The following FBLIM1 variants were observed in gnomAD, a reference collection of about 807,000 sequenced individuals.
FBLIM1 encodes the protein filamin binding LIM protein 1, also known as filamin-binding LIM protein 1.
A neutral mutation model predicts 37.4 loss-of-function variants in FBLIM1; 29 were observed. The ratio of observed to expected loss-of-function variants is 0.77; its 90% CI spans 0.58 to 1.06. FBLIM1 has a LOEUF of 1.06. FBLIM1 is among the 50% of genes least tolerant of loss of function. The pLI is 0.00. For missense variants in FBLIM1, 449 were observed against 505.6 expected (o/e 0.89, Z 1.07); for synonymous variants, 193 against 199.0 (o/e 0.97, Z 0.25).
chr1:15,767,246 C>A, intron 3 of FBLIM1, 130 bp from the exon 4 acceptor site: 1 of 721,698 alleles, frequency 1.4e-6, no homozygotes, highest in Non-Finnish European at 2.2e-6. Flanking sequence ...CAGAGTTAGA[C>A]ATGGAACCCA....
At chr1:15,784,046 G>A (rs1050472380) in intron 8 of FBLIM1, among the ~76,000 whole-genome samples, 1 of 152,156 alleles carries the variant, frequency 6.6e-6, no homozygotes, top group Non-Finnish European at 1.5e-5. Context: ...AATTAGCTGG[G>A]TGTGGTGGCA....
chr1:15,759,470 C>A (rs2068561171), intron 1 of FBLIM1, among the ~76,000 whole-genome samples: 1 of 152,288 alleles, frequency 6.6e-6, no homozygotes, highest in East Asian at 1.9e-4. Context: ...CTGAGGACCC[C>A]GGGGAGAGGC....
intron 8 of FBLIM1, among the ~76,000 whole-genome samples, chr1:15,778,682 C>T (rs1204039962): frequency 6.6e-6 from 1 of 152,002 alleles, no homozygotes; most frequent in African/African-American, 2.4e-5. Flanking sequence ...CTCGCGTTAC[C>T]CAGGCTGGAG....
rs150153219 is a variant in FBLIM1 at position 15,765,847 on chromosome 1, C to A, written c.250+614C>A. Among the ~76,000 whole-genome samples the A allele has an allele frequency of 3.0e-3, 454 of 152,294 alleles. 4 individuals carry two copies. Among genetic ancestry groups the A allele is most frequent in the African/African-American group, 0.01 (427 of 41,564 alleles). On this transcript the variant is annotated intron_variant, in intron 3 of 8. Transcript: ENST00000375766. The surrounding 1 kb of genome is among the most constrained non-coding windows in gnomAD (Gnocchi z 5.9). The stretch of plus-strand genomic sequence containing the variant: ...CCTGCTTCTCTCTTGAATTCCTGCC[C>A]GCCCATCATAGCCTATGGGCCCTGC...
chr1:15,784,151 A>G (rs1383164928), intron 8 of FBLIM1, among the ~76,000 whole-genome samples: 1 of 152,240 alleles, frequency 6.6e-6, no homozygotes, highest in East Asian at 1.9e-4. Context: ...ACTGCACTCC[A>G]GCCTGGGCGA....
In FBLIM1 at chr1:15,770,394, T is replaced by A; in HGVS notation, c.542-15T>A. The A allele has an allele frequency of 6.2e-7, 1 of 1,608,398 alleles. No individual in the cohort carries two copies. The highest frequency in any genetic ancestry group is 8.5e-7 in the Non-Finnish European group (1 of 1,177,314). On this transcript the variant is annotated splice_polypyrimidine_tract_variant and intron_variant, in intron 5 of 8. Coordinates refer to ENST00000375766, the MANE Select transcript of FBLIM1 (RefSeq NM_017556.4). Reference sequence around the variant, plus strand: ...CAGGCTGGGCTGGTGATGGCCTGTGTCTCCCCTACCCCAGACATCTGTGCC... The same window carrying A: ...CAGGCTGGGCTGGTGATGGCCTGTGACTCCCCTACCCCAGACATCTGTGCC...
intron 5 of FBLIM1, among the ~76,000 whole-genome samples, chr1:15,770,061 C>T (rs1298377350): frequency 1.3e-5 from 2 of 152,078 alleles, no homozygotes; most frequent in African/African-American, 4.8e-5. Context: ...ATTCTCCTGC[C>T]TCAGCCCCAT....
intron 7 of FBLIM1, chr1:15,775,019 T>G: frequency 1.2e-6 from 1 of 864,214 alleles, no homozygotes; most frequent in Non-Finnish European, 1.7e-6. Context: ...GAGATCGAGA[T>G]CATCCTGGCT....
chr1:15,765,707 C>T lies in FBLIM1; in HGVS notation c.250+474C>T, dbSNP rs1328136755. On this transcript the variant is annotated intron_variant, in intron 3 of 8. Coordinates refer to ENST00000375766, the MANE Select transcript of FBLIM1 (RefSeq NM_017556.4). The surrounding 1 kb of genome is among the most constrained non-coding windows in gnomAD (Gnocchi z 5.9). ...TGGGGATGCTGCCAGCTGCTTGAAG[C>T]CGTCTACACCGAAGGCTGCCATCTG... 6.6e-6 allele frequency among the ~76,000 whole-genome samples: 1 copy of T among 152,054 alleles called. No individual in the cohort carries two copies. Among genetic ancestry groups the T allele is most frequent in the Admixed American group, 6.6e-5 (1 of 15,260 alleles).
chr1:15,762,085 T>G (rs560669449), intron 1 of FBLIM1, among the ~76,000 whole-genome samples: 1 of 151,642 alleles, frequency 6.6e-6, no homozygotes, highest in Non-Finnish European at 1.5e-5. Context: ...CTCTGATTTA[T>G]GCTTTTCTTT....
intron 6 of FBLIM1, among the ~76,000 whole-genome samples, chr1:15,771,130 G>C (rs933963386): frequency 1.3e-5 from 2 of 152,034 alleles, no homozygotes; most frequent in Admixed American, 1.3e-4. Context: ...GGTAGAGATG[G>C]GGTTTCACCA....
intron 7 of FBLIM1, among the ~76,000 whole-genome samples, chr1:15,776,357 C>A (rs945581329): frequency 6.6e-6 from 1 of 152,288 alleles, no homozygotes; most frequent in Non-Finnish European, 1.5e-5. Context: ...AGCTAAGTAC[C>A]CAAAGTCTCT....
At position 15,765,073 on chromosome 1, in the gene FBLIM1, G is replaced by C; in HGVS notation, c.90G>C (p.Val30=). Residue 30 remains valine (V), a synonymous_variant, in exon 3 of 9, where the codon GTG becomes GTC. Coordinates refer to ENST00000375766, the MANE Select transcript of FBLIM1 (RefSeq NM_017556.4). This position sits in a 1 kb window ranked among gnomAD's most constrained non-coding sequence, Gnocchi z 5.9. ...PRRDVAVAEE[V]RQAVCEARRG... Reference sequence around the variant, plus strand: ...GCGATGTGGCCGTGGCGGAGGAAGTGAGGCAGGCAGTTTGTGAGGCCCGGC... The same window carrying C: ...GCGATGTGGCCGTGGCGGAGGAAGTCAGGCAGGCAGTTTGTGAGGCCCGGC... The C allele has an allele frequency of 1.9e-6, 3 of 1,614,102 alleles. No homozygotes were observed. Among genetic ancestry groups the C allele is most frequent in the Non-Finnish European group, 2.5e-6 (3 of 1,179,994 alleles).
Position 15,765,368 on chromosome 1 carries a change from T to A in FBLIM1, c.250+135T>A, listed in dbSNP as rs577884342. 2.3e-5 allele frequency: 30 copies of A among 1,293,874 alleles called. No individual in the cohort carries two copies. In the African/African-American group the frequency reaches 3.3e-4, roughly 14 times the overall value. 80.1% of individuals were successfully genotyped at this position (1,293,874 alleles called of 1,614,324 possible). A position where few individuals can be genotyped will look rare whatever the true frequency, so the allele number is the denominator to read the frequency against. ...CACATCAACGGGAAACAAAAAGATG[T>A]GCCCCTTCTGGGTGGGCAAGGGAGC... is the stretch of plus-strand genomic sequence containing the variant. On this transcript the variant is annotated intron_variant, in intron 3 of 8. Coordinates refer to ENST00000375766, the MANE Select transcript of FBLIM1 (RefSeq NM_017556.4). The surrounding 1 kb of genome is among the most constrained non-coding windows in gnomAD (Gnocchi z 5.9).
chr1:15,757,098 G>A (rs76794757), upstream of FBLIM1, among the ~76,000 whole-genome samples: 319 of 152,298 alleles, frequency 2.1e-3, no homozygotes, highest in African/African-American at 7.4e-3. This position sits in a 1 kb window ranked among gnomAD's most constrained non-coding sequence, Gnocchi z 4.1. Context: ...CTGGAGTTTT[G>A]GGGGGCAGGG....
intron 8 of FBLIM1, among the ~76,000 whole-genome samples, chr1:15,782,358 T>C (rs2069665111): frequency 6.7e-6 from 1 of 148,602 alleles, no homozygotes; most frequent in Admixed American, 6.8e-5. Context: ...CAGTGAGCCA[T>C]GATAATGCCA....
chr1:15,766,169 G>A (rs1239631566), intron 3 of FBLIM1, among the ~76,000 whole-genome samples: 1 of 152,076 alleles, frequency 6.6e-6, no homozygotes, highest in Non-Finnish European at 1.5e-5. Flanking sequence ...GTGCAGTGGT[G>A]TGATCACGGC....
chr1:15,773,125 G>T (rs562447535), intron 6 of FBLIM1, among the ~76,000 whole-genome samples: 11 of 152,212 alleles, frequency 7.2e-5, no homozygotes, highest in African/African-American at 2.6e-4. Context: ...ATGTTAACTG[G>T]CCAGGTGCCG....
upstream of FBLIM1, among the ~76,000 whole-genome samples, chr1:15,757,525 CAA>C (rs1193607548): frequency 6.6e-6 from 1 of 152,096 alleles, no homozygotes; most frequent in Non-Finnish European, 1.5e-5. The surrounding 1 kb of genome is among the most constrained non-coding windows in gnomAD (Gnocchi z 4.1). Flanking sequence ...AAAGGGGCGA[CAA>C]GAGGGATGGG....
Sources: allele counts gnomAD v4.1 joint callset (sites outside exome capture counted in the v4.1 genomes callset), GRCh38; gene constraint gnomAD v4.1.1; non-coding constraint Gnocchi (gnomAD v3.1); transcripts MANE v1.5; gene names NCBI Gene and HGNC (gene_info 2026-07-23, HGNC 2026-07-21).